Variants in LRRC4C observed in about 807,000 individuals in gnomAD.
LRRC4C encodes leucine-rich repeat-containing protein 4C.
Under a neutral mutation model 33.6 loss-of-function variants are expected in LRRC4C, and 5 were observed. The observed-to-expected ratio is 0.15, with a 90% CI of 0.08 to 0.31. The LOEUF (loss-of-function observed/expected upper bound fraction) is 0.31, where lower values mean the gene tolerates loss of function less well. Among genes scored for constraint, LRRC4C ranks in the 10% least tolerant of loss-of-function variants. The pLI is 1.00. For synonymous variants in LRRC4C, 329 were observed against 302.0 expected, an observed-to-expected ratio of 1.09 and a Z score of -0.93; for missense variants, 560 against 796.7, an observed-to-expected ratio of 0.70 and a Z score of 3.58.
At chr11:40,813,802 C>T (rs150448432) in intron 2 of LRRC4C, among the ~76,000 whole-genome samples, 5 of 152,212 alleles carry the variant, frequency 3.3e-5, no homozygotes, top group African/African-American at 9.6e-5. Flanking sequence ...GGGCTACTGG[C>T]CCCACACAAG....
intron 1 of LRRC4C, among the ~76,000 whole-genome samples, chr11:41,200,959 A>T (rs2136261433): frequency 6.6e-6 from 1 of 152,306 alleles, no homozygotes; most frequent in South Asian, 2.1e-4. Flanking sequence ...GAAATCTGGA[A>T]TTTTCACATA....
intron 1 of LRRC4C, among the ~76,000 whole-genome samples, chr11:41,433,953 T>C (rs1955335156): frequency 6.6e-6 from 1 of 152,088 alleles, no homozygotes; most frequent in African/African-American, 2.4e-5. Context: ...TTATGATAGC[T>C]TTCTCAGTCT....
At chr11:41,284,679 A>G (rs1367928654) in intron 1 of LRRC4C, among the ~76,000 whole-genome samples, 2 of 152,270 alleles carry the variant, frequency 1.3e-5, no homozygotes, top group East Asian at 3.9e-4. Flanking sequence ...TATTCTTACA[A>G]TCAATCAGTC....
chr11:40,565,409 A>G (rs531618953), intron 3 of LRRC4C, among the ~76,000 whole-genome samples: 2 of 152,350 alleles, frequency 1.3e-5, no homozygotes, highest in South Asian at 4.1e-4. Flanking sequence ...TGCTAAAATT[A>G]TACTATCCCA....
chr11:40,724,473 G>A (rs1328810306), intron 2 of LRRC4C, among the ~76,000 whole-genome samples: 1 of 152,086 alleles, frequency 6.6e-6, no homozygotes, highest in African/African-American at 2.4e-5. Context: ...CCACACAACT[G>A]CATGAAATCT....
At position 40,614,440 on chromosome 11, in the gene LRRC4C, G is replaced by GCTCTGGATTAAGCTTTGGCTTAAGAT. The variant is rs368848705; in HGVS notation, c.-270+33701_-270+33702insATCTTAAGCCAAAGCTTAATCCAGAG. 7.3e-5 allele frequency among the ~76,000 whole-genome samples: 4 copies of GCTCTGGATTAAGCTTTGGCTTAAGAT among 54,502 alleles called. No homozygotes were observed. The Admixed American group carries it at 9.2e-4, about 13-fold the overall frequency. The allele number at this position is 54,502 out of a possible 152,430, so 35.8% of individuals were successfully genotyped here. A position where few individuals can be genotyped will look rare whatever the true frequency, so the allele number is the denominator to read the frequency against. On this transcript the variant is annotated intron_variant, in intron 3 of 6. Transcript: ENST00000528697. ...CATATAATTAAAGAGAGTGGGTGTT[G>GCTCTGGATTAAGCTTTGGCTTAAGAT]AATGTTGTGGCTGGTTTGATCTCCT... is the stretch of plus-strand genomic sequence containing the variant.
At chr11:40,956,192 T>C (rs569222370) in intron 1 of LRRC4C, among the ~76,000 whole-genome samples, 1 of 151,908 alleles carries the variant, frequency 6.6e-6, no homozygotes, top group African/African-American at 2.4e-5. Flanking sequence ...TGATCGGCTG[T>C]GAAAATTCAG....
intron 6 of LRRC4C, among the ~76,000 whole-genome samples, chr11:40,123,100 T>A (rs1855955562): frequency 6.6e-6 from 1 of 151,968 alleles, no homozygotes; most frequent in Admixed American, 6.6e-5. Context: ...CAGATAGTAA[T>A]TATTTCAGGC....
chr11:40,519,566 G>A (rs557287289), intron 3 of LRRC4C, among the ~76,000 whole-genome samples: 1 of 152,060 alleles, frequency 6.6e-6, no homozygotes, highest in Non-Finnish European at 1.5e-5. Context: ...CTCTGAATTA[G>A]GCTTTGTCTT....
intron 5 of LRRC4C, among the ~76,000 whole-genome samples, chr11:40,179,641 A>G (rs1008475810): frequency 2.6e-5 from 4 of 152,180 alleles, no homozygotes; most frequent in African/African-American, 9.7e-5. Flanking sequence ...AGGCACAGAG[A>G]TCAGGACCCC....
intron 3 of LRRC4C, among the ~76,000 whole-genome samples, chr11:40,427,966 A>T (rs1950778938): frequency 6.6e-6 from 1 of 152,224 alleles, no homozygotes; most frequent in South Asian, 2.1e-4. Context: ...TTAGATTAAA[A>T]GAAAATTTAA....
At chr11:40,807,283 G>C in intron 2 of LRRC4C, among the ~76,000 whole-genome samples, 1 of 152,184 alleles carries the variant, frequency 6.6e-6, no homozygotes, top group East Asian at 1.9e-4. Flanking sequence ...ACTGTACCCT[G>C]TTGGTGCTAC....
intron 1 of LRRC4C, among the ~76,000 whole-genome samples, chr11:41,090,952 T>TGG (rs569560732): frequency 0.012 from 1,826 of 152,258 alleles, 23 homozygotes; most frequent in Non-Finnish European, 0.021. Context: ...CAGGCAGTTC[T>TGG]TTATAGCATT....
At chr11:40,255,577 G>A (rs1486864912) in intron 4 of LRRC4C, among the ~76,000 whole-genome samples, 1 of 152,146 alleles carries the variant, frequency 6.6e-6, no homozygotes, top group African/African-American at 2.4e-5. Context: ...CCCAAATAGA[G>A]TTGATGCAAA....
rs191624859 is a variant in LRRC4C, at chr11:40,495,893, G to A, written c.-270+152249C>T. Reference sequence around the variant, plus strand: ...CGCCCAGGCTGGAGTGTAGTGATGCGATCTCAGCTCACTACAACCTCCGCC... The same window carrying A: ...CGCCCAGGCTGGAGTGTAGTGATGCAATCTCAGCTCACTACAACCTCCGCC... On this transcript the variant is annotated intron_variant, in intron 3 of 6. Coordinates refer to ENST00000528697, the MANE Select transcript of LRRC4C (RefSeq NM_001258419.2). Among the ~76,000 whole-genome samples the A allele has an allele frequency of 2.8e-4, 35 of 125,172 alleles. 1 individual carries two copies. The Admixed American group carries it at 3.0e-3, about 11-fold the overall frequency. 82.1% of individuals were successfully genotyped at this position (125,172 alleles called of 152,430 possible). A position where few individuals can be genotyped will look rare whatever the true frequency, so the allele number is the denominator to read the frequency against.
At chr11:40,361,483 G>T (rs1044626067) in intron 3 of LRRC4C, among the ~76,000 whole-genome samples, 35 of 152,124 alleles carry the variant, frequency 2.3e-4, no homozygotes, top group Non-Finnish European at 5.9e-5. Flanking sequence ...AGAATATTAG[G>T]TTGGTGCAAA....
At chr11:41,025,327 A>G (rs111677715) in intron 1 of LRRC4C, among the ~76,000 whole-genome samples, 13,243 of 151,636 alleles carry the variant, frequency 0.087, 840 homozygotes, top group African/African-American at 0.17. Flanking sequence ...GCAAAGGAAA[A>G]GCTCTTGAAG....
At chr11:40,819,985 T>TA (rs1044557627) in intron 2 of LRRC4C, among the ~76,000 whole-genome samples, 1 of 151,064 alleles carries the variant, frequency 6.6e-6, no homozygotes, top group African/African-American at 2.4e-5. Flanking sequence ...GTGACTAAAT[T>TA]AAAAAAAAGA....
chr11:40,827,187 G>A (rs779774917), intron 2 of LRRC4C, among the ~76,000 whole-genome samples: 23 of 151,676 alleles, frequency 1.5e-4, no homozygotes, highest in Non-Finnish European at 2.7e-4. Context: ...TTAATTGAAC[G>A]TATCTAGGAG....
Sources: allele counts gnomAD v4.1 joint callset (sites outside exome capture counted in the v4.1 genomes callset), GRCh38; gene constraint gnomAD v4.1.1; transcripts MANE v1.5; gene names NCBI Gene and HGNC (gene_info 2026-07-23, HGNC 2026-07-21).